The following CSNK1E variants were observed in gnomAD, a reference collection of about 807,000 sequenced individuals.
The protein encoded by CSNK1E is casein kinase I isoform epsilon.
Under a neutral mutation model 46.1 loss-of-function variants are expected in CSNK1E, and 17 were observed. That is an observed-to-expected ratio of 0.37 (90% CI 0.25 to 0.55). CSNK1E has a LOEUF of 0.55. Ranked by LOEUF, CSNK1E falls within the 20% of genes least tolerant of loss-of-function variation. The probability of loss-of-function intolerance (pLI) is 0.82; values close to 1 mark genes in which losing one functional copy is unlikely to be tolerated. For synonymous variants in CSNK1E, 241 were observed against 242.6 expected, an observed-to-expected ratio of 0.99 and a Z score of 0.06; for missense variants, 386 against 595.4, an observed-to-expected ratio of 0.65 and a Z score of 3.66.
intron 7 of CSNK1E, chr22:38,296,403 C>T: frequency 7.1e-7 from 1 of 1,418,136 alleles, no homozygotes; most frequent in Non-Finnish European, 9.2e-7. Flanking sequence ...ATCCCAGCAC[C>T]CCGGTGCAGC....
intron 1 of CSNK1E, among the ~76,000 whole-genome samples, chr22:38,316,473 T>G (rs928351163): frequency 6.6e-6 from 1 of 151,978 alleles, no homozygotes; most frequent in African/African-American, 2.4e-5. Flanking sequence ...CCACTTCGAG[T>G]TAGGGTATTA....
intron 9 of CSNK1E, among the ~76,000 whole-genome samples, chr22:38,293,726 A>G (rs914985109): frequency 3.9e-5 from 6 of 151,906 alleles, no homozygotes; most frequent in Admixed American, 3.9e-4. Flanking sequence ...AGAGGATGGG[A>G]CCTCACTGCC....
At chr22:38,316,927 C>A (rs1329663439) in intron 1 of CSNK1E, 1 of 151,878 alleles carries the variant, frequency 6.6e-6, no homozygotes, top group South Asian at 2.1e-4. Context: ...GCCGGGGGGC[C>A]TCCCCCGCGA....
In CSNK1E at chr22:38,300,673, G is replaced by A. The variant is rs1257817325; in HGVS notation, c.565+51C>T. ...GGGTGAGAGGGCTCCAGAGAGCTGG[G>A]CCCCAGCCAGTGGCCCCGGGTGCAC... On this transcript the variant is annotated intron_variant, in intron 5 of 10. Coordinates refer to ENST00000396832, the MANE Select transcript of CSNK1E (RefSeq NM_152221.3). This position sits in a 1 kb window ranked among gnomAD's most constrained non-coding sequence, Gnocchi z 4.4. 8.3e-6 allele frequency: 13 copies of A among 1,563,288 alleles called. No homozygotes were observed. Among genetic ancestry groups the A allele is most frequent in the Non-Finnish European group, 1.1e-5 (13 of 1,138,008 alleles).
At position 38,294,876 on chromosome 22, in the gene CSNK1E, T is replaced by C. The variant is rs916496789; in HGVS notation, c.886-342A>G. 6.6e-6 allele frequency among the ~76,000 whole-genome samples: 1 copy of C among 152,186 alleles called. No homozygotes were observed. The highest frequency in any genetic ancestry group is 1.5e-5 in the Non-Finnish European group (1 of 68,020). ...TCCTGACCTGGGGCTGGGCCTGCCCTGGCCCCCCTCTGTGTACCAAGAGCC... is the reference window on the plus strand; with the variant it reads ...TCCTGACCTGGGGCTGGGCCTGCCCCGGCCCCCCTCTGTGTACCAAGAGCC... On this transcript the variant is annotated intron_variant, in intron 7 of 10. Coordinates refer to ENST00000396832, the MANE Select transcript of CSNK1E (RefSeq NM_152221.3). This position sits in a 1 kb window ranked among gnomAD's most constrained non-coding sequence, Gnocchi z 5.5.
Position 38,298,276 on chromosome 22 carries a change from G to T in CSNK1E, c.885+510C>A. Reference sequence around the variant, plus strand: ...AGAGCTCTGGGTACGGCCGGCCAATGCTGCTCCCCACCCAACCCCACCCCT... The same window carrying T: ...AGAGCTCTGGGTACGGCCGGCCAATTCTGCTCCCCACCCAACCCCACCCCT... On this transcript the variant is annotated intron_variant, in intron 7 of 10. Transcript: ENST00000396832. The surrounding 1 kb of genome is among the most constrained non-coding windows in gnomAD (Gnocchi z 4.2). 8.5e-7 allele frequency: 1 copy of T among 1,183,030 alleles called. No individual in the cohort carries two copies. Among genetic ancestry groups the T allele is most frequent in the African/African-American group, 1.6e-5 (1 of 63,672 alleles). 73.3% of individuals were successfully genotyped at this position (1,183,030 alleles called of 1,614,324 possible).
Position 38,300,599 on chromosome 22 carries a change from T to C in CSNK1E, c.565+125A>G, listed in dbSNP as rs2092666102. 6.8e-6 allele frequency: 6 copies of C among 882,356 alleles called. No homozygotes were observed. In the South Asian group the frequency reaches 1.0e-4, roughly 15 times the overall value. The allele number at this position is 882,356 out of a possible 1,614,324, so 54.7% of individuals were successfully genotyped here. ...AGCACGAGCTTGGGGGCAGACGGGG[T>C]GGGGACTTTCTCACTAGAAAAGAGC... On this transcript the variant is annotated intron_variant, in intron 5 of 10. Transcript: ENST00000396832. The surrounding 1 kb of genome is among the most constrained non-coding windows in gnomAD (Gnocchi z 4.4).
rs965543901 is a variant in CSNK1E, at chr22:38,297,591, G to A, written c.885+1195C>T. Reference sequence around the variant, plus strand: ...GGCTGAGGGCCCTGCCATGAAAGAGGCACACCAGGATGAAGCAAGAGGAGG... The same window carrying A: ...GGCTGAGGGCCCTGCCATGAAAGAGACACACCAGGATGAAGCAAGAGGAGG... On this transcript the variant is annotated intron_variant, in intron 7 of 10. Transcript: ENST00000396832. The A allele has an allele frequency of 2.0e-5, 20 of 998,582 alleles. No homozygotes were observed. In the African/African-American group the frequency reaches 3.1e-4, roughly 16 times the overall value. The allele number at this position is 998,582 out of a possible 1,614,324, so 61.9% of individuals were successfully genotyped here.
rs552795135 is a variant in CSNK1E at position 38,317,282 on chromosome 22, AGCCGCCGCC to A, written c.-144_-136del. ...CCGGCGCGCCAGCCTCTCCCGGCCC[AGCCGCCGCC>A]GCCGCCGCCGCCGCCGCGCTCCGCT... On this transcript the variant is annotated 5_prime_UTR_variant, in exon 1 of 11. Coordinates refer to ENST00000396832, the MANE Select transcript of CSNK1E (RefSeq NM_152221.3). The A allele has an allele frequency of 2.6e-4, 38 of 146,946 alleles. No individual in the cohort carries two copies. The highest frequency in any genetic ancestry group is 1.5e-3 in the South Asian group (8 of 5,226). The allele number at this position is 146,946 out of a possible 1,614,324, so 9.1% of individuals were successfully genotyped here.
At position 38,300,606 on chromosome 22, in the gene CSNK1E, T is replaced by C. The variant is rs1206424690; in HGVS notation, c.565+118A>G. The C allele has an allele frequency of 2.7e-5, 27 of 991,496 alleles. No individual in the cohort carries two copies. Among genetic ancestry groups the C allele is most frequent in the Non-Finnish European group, 3.6e-5 (24 of 662,972 alleles). The allele number at this position is 991,496 out of a possible 1,614,324, so 61.4% of individuals were successfully genotyped here. ...GCTTGGGGGCAGACGGGGTGGGGAC[T>C]TTCTCACTAGAAAAGAGCCTGGGGG... On this transcript the variant is annotated intron_variant, in intron 5 of 10. Transcript: ENST00000396832. This position sits in a 1 kb window ranked among gnomAD's most constrained non-coding sequence, Gnocchi z 4.4.
Position 38,310,280 on chromosome 22 carries a change from A to C in CSNK1E, c.76+3802T>G, listed in dbSNP as rs2092715302. On this transcript the variant is annotated intron_variant, in intron 2 of 10. Transcript: ENST00000396832. ...ACAGTGGAGGGAATGCCAGTTCCCA[A>C]AACAAACTTGGACACAGAAAAGGGC... Among the ~76,000 whole-genome samples the C allele has an allele frequency of 2.0e-5, 3 of 152,170 alleles. No individual in the cohort carries two copies. In the South Asian group the frequency reaches 6.2e-4, roughly 31 times the overall value.
intron 7 of CSNK1E, chr22:38,297,836 A>G: frequency 1.0e-6 from 1 of 1,004,972 alleles, no homozygotes; most frequent in Non-Finnish European, 1.2e-6. Context: ...CTCCCAAGAA[A>G]CACTTCCTCA....
At position 38,294,394 on chromosome 22, in the gene CSNK1E, G is replaced by A. The variant is rs554337305; in HGVS notation, c.1026C>T (p.Arg342=). The A allele has an allele frequency of 3.0e-5, 46 of 1,556,340 alleles. No individual in the cohort carries two copies. The highest frequency in any genetic ancestry group is 3.7e-5 in the Non-Finnish European group (43 of 1,153,624). The change falls in exon 8 of 11, where the codon CGC becomes CGT. Residue 342 remains arginine (R), a synonymous_variant. Transcript: ENST00000396832. The surrounding 1 kb of genome is among the most constrained non-coding windows in gnomAD (Gnocchi z 5.5). ...TGGAAGCCACGGGCTCGGCGGCACT[G>A]CGGAGCCGGTTGGCAGTGGCCCCCG... is the stretch of plus-strand genomic sequence containing the variant. ...PPTGATANRL[R]SAAEPVASTP...
intron 2 of CSNK1E, among the ~76,000 whole-genome samples, chr22:38,310,788 G>A (rs1274854264): frequency 1.3e-5 from 2 of 152,224 alleles, no homozygotes; most frequent in Non-Finnish European, 2.9e-5. Flanking sequence ...CTGGCCCTCG[G>A]GTGATCCTGG....
intron 1 of CSNK1E, chr22:38,316,683 C>T (rs538635280): frequency 6.6e-6 from 1 of 152,410 alleles, no homozygotes; most frequent in Non-Finnish European, 1.5e-5. Context: ...CCCCAAACGC[C>T]CGTCATCCAA....
intron 7 of CSNK1E, among the ~76,000 whole-genome samples, chr22:38,295,660 T>G (rs1443855221): frequency 1.3e-5 from 2 of 152,066 alleles, no homozygotes; most frequent in Non-Finnish European, 2.9e-5. Flanking sequence ...CTGCCCGGGG[T>G]TGCACAGCTC....
In CSNK1E at chr22:38,314,147, C is replaced by A. The variant is rs373100204; in HGVS notation, c.11G>T (p.Arg4Leu). 1 of 1,614,072 alleles carries A rather than the reference C, an allele frequency of 6.2e-7. No homozygotes were observed. The highest frequency in any genetic ancestry group is 8.5e-7 in the Non-Finnish European group (1 of 1,179,954). The change falls in exon 2 of 11, where the codon CGT becomes CTT. Residue 4 changes from arginine to leucine, a missense_variant. Arg to Leu is a moderately radical substitution (Grantham distance 102). Around this residue, in one of 2 missense-constraint regions of CSNK1E, gnomAD observed 212 missense variants for 410.2 expected, o/e 0.52. Transcript: ENST00000396832. ...TCCCAGGCGGTACTTGTTCCCCACACGTAGCTCCATGGCTCACTCTTGCTG... is the reference window on the plus strand; with the variant it reads ...TCCCAGGCGGTACTTGTTCCCCACAAGTAGCTCCATGGCTCACTCTTGCTG... MEL[R>L]VGNKYRLGRK... is the part of the protein sequence containing the mutation.
chr22:38,302,416 G>A lies in CSNK1E; in HGVS notation c.336+445C>T, dbSNP rs535446945. On this transcript the variant is annotated intron_variant, in intron 4 of 10. Transcript: ENST00000396832. ...CAGGCAGAGTCCCAGGCCCTGACTC[G>A]GCAGGTCTGGAGTTGGGCCTGAAAT... is the stretch of plus-strand genomic sequence containing the variant. 9.9e-5 allele frequency among the ~76,000 whole-genome samples: 15 copies of A among 151,940 alleles called. No homozygotes were observed. In the South Asian group the frequency reaches 3.1e-3, roughly 32 times the overall value.
intron 2 of CSNK1E, among the ~76,000 whole-genome samples, chr22:38,306,829 CA>C (rs1350319831): frequency 4.6e-5 from 7 of 152,144 alleles, no homozygotes; most frequent in Non-Finnish European, 1.0e-4. Context: ...TCTGCCGATT[CA>C]ACCATGGATC....
Sources: gnomAD v4.1 joint callset for allele counts (sites outside exome capture counted in the v4.1 genomes callset) on GRCh38, gnomAD v4.1.1 for gene constraint, gnomAD v4.1.1 regional missense constraint, Gnocchi (gnomAD v3.1) non-coding constraint, MANE v1.5 for transcripts, NCBI Gene and HGNC (gene_info 2026-07-23, HGNC 2026-07-21) for gene names.